HOMER2: variants seen among roughly 807,000 people sequenced by gnomAD.
HOMER2 encodes homer scaffold protein 2, also known as homer protein homolog 2.
Under a neutral mutation model 47.0 loss-of-function variants are expected in HOMER2, and 27 were observed. The observed-to-expected ratio is 0.57, with a 90% CI of 0.42 to 0.79. HOMER2 has a LOEUF of 0.79. Ranked by LOEUF, HOMER2 falls within the 30% of genes least tolerant of loss-of-function variation. The pLI, the probability that HOMER2 is intolerant of heterozygous loss-of-function variation, is 0.00. For synonymous variants in HOMER2, 161 were observed against 163.8 expected, an observed-to-expected ratio of 0.98 and a Z score of 0.13; for missense variants, 443 against 435.0, an observed-to-expected ratio of 1.02 and a Z score of -0.16.
chr15:82,937,661 T>C (rs1050178336), intron 1 of HOMER2, among the ~76,000 whole-genome samples: 2 of 152,182 alleles, frequency 1.3e-5, no homozygotes. Context: ...TCTGGAAGAA[T>C]TAACAACAGA....
At chr15:82,854,405 CA>C (rs558909046) in intron 6 of HOMER2, among the ~76,000 whole-genome samples, 1 of 149,860 alleles carries the variant, frequency 6.7e-6, no homozygotes, top group African/African-American at 2.4e-5. Flanking sequence ...GACTCCATCT[CA>C]AAAAAAAAGA....
chr15:82,956,505 G>A (rs1346712513), upstream of HOMER2, among the ~76,000 whole-genome samples: 1 of 152,178 alleles, frequency 6.6e-6, no homozygotes, highest in Non-Finnish European at 1.5e-5. Flanking sequence ...GTTGGGGAAT[G>A]CCGTGATCTG....
chr15:82,935,752 C>G (rs1180144435), intron 1 of HOMER2, among the ~76,000 whole-genome samples: 1 of 152,180 alleles, frequency 6.6e-6, no homozygotes, highest in Admixed American at 6.5e-5. Context: ...AAGGTTCTTA[C>G]AAATCCATCT....
intron 8 of HOMER2, among the ~76,000 whole-genome samples, chr15:82,850,789 C>T (rs1776827053): frequency 1.3e-5 from 2 of 152,200 alleles, no homozygotes; most frequent in Non-Finnish European, 2.9e-5. Flanking sequence ...AAGGTCAGTG[C>T]CCAAGGCCAC....
intron 1 of HOMER2, among the ~76,000 whole-genome samples, chr15:82,922,701 C>T (rs1483088719): frequency 1.3e-5 from 2 of 152,166 alleles, no homozygotes; most frequent in Non-Finnish European, 2.9e-5. Flanking sequence ...CCACAGGTGT[C>T]CGCCTGTCCA....
chr15:82,970,066 T>C (rs2029930384), intron 1 of HOMER2, among the ~76,000 whole-genome samples: 1 of 152,190 alleles, frequency 6.6e-6, no homozygotes, highest in African/African-American at 2.4e-5. Flanking sequence ...GGATCATACA[T>C]GGTAAGTGAG....
downstream of HOMER2, chr15:82,836,799 T>G (rs1596293041): frequency 6.6e-6 from 1 of 152,296 alleles, no homozygotes. Flanking sequence ...AATGAGGAGG[T>G]TATTGGTTAA....
chr15:82,876,073 G>C (rs1175308893), intron 2 of HOMER2, among the ~76,000 whole-genome samples: 1 of 152,232 alleles, frequency 6.6e-6, no homozygotes, highest in Non-Finnish European at 1.5e-5. Flanking sequence ...GGGTCACGTA[G>C]AGCAAGCTAC....
chr15:82,863,578 C>T (rs1378283507), intron 4 of HOMER2, among the ~76,000 whole-genome samples: 2 of 152,154 alleles, frequency 1.3e-5, no homozygotes, highest in Non-Finnish European at 2.9e-5. Context: ...ACATATAACC[C>T]TGTCACTAGG....
At chr15:82,880,729 C>T (rs546973556) in intron 2 of HOMER2, among the ~76,000 whole-genome samples, 1 of 152,100 alleles carries the variant, frequency 6.6e-6, no homozygotes, top group Admixed American at 6.5e-5. Flanking sequence ...AGAGGAGATA[C>T]GAGACTTGAG....
chr15:82,874,956 C>T (rs551147162), intron 3 of HOMER2, among the ~76,000 whole-genome samples: 130 of 152,262 alleles, frequency 8.5e-4, no homozygotes, highest in African/African-American at 2.9e-3. Context: ...CACAAGCCAG[C>T]GCTCAGTCTG....
At chr15:82,889,902 C>G (rs984244146) in intron 2 of HOMER2, among the ~76,000 whole-genome samples, 2 of 152,170 alleles carry the variant, frequency 1.3e-5, no homozygotes, top group African/African-American at 4.8e-5. Context: ...GCTCCCATCC[C>G]CAATCCCTGA....
chr15:82,986,113 A>C (rs2030592971), upstream of HOMER2: 1 of 984,798 alleles, frequency 1.0e-6, no homozygotes, highest in Non-Finnish European at 1.2e-6. Flanking sequence ...CCAGCATTTG[A>C]AGAAGCGATC....
chr15:82,882,252 G>A (rs945647834), intron 2 of HOMER2, among the ~76,000 whole-genome samples: 1 of 82,000 alleles, frequency 1.2e-5, no homozygotes, highest in African/African-American at 4.9e-5. Context: ...TGACCCTGCT[G>A]TCCTTCTGTG....
intron 1 of HOMER2, among the ~76,000 whole-genome samples, chr15:82,947,456 T>C (rs2151231391): frequency 6.6e-6 from 1 of 152,308 alleles, no homozygotes; most frequent in African/African-American, 2.4e-5. Context: ...CAAACAGTAA[T>C]ACAGTAGATC....
At chr15:82,963,435 C>A (rs1428103605) in intron 1 of HOMER2, among the ~76,000 whole-genome samples, 1 of 152,072 alleles carries the variant, frequency 6.6e-6, no homozygotes, top group East Asian at 1.9e-4. Flanking sequence ...AGTCCCCAGT[C>A]AGGCTAAAAA....
intron 4 of HOMER2, among the ~76,000 whole-genome samples, 171 bp downstream of exon 4, chr15:82,863,996 A>G (rs2051879102): frequency 6.6e-6 from 1 of 152,246 alleles, no homozygotes; most frequent in African/African-American, 2.4e-5. Context: ...ACCACATCCT[A>G]AAAAATTCAA....
At chr15:82,842,450 A>G (rs1596294835) in exon 2 of HOMER2, 1 of 147,248 alleles carries the variant, frequency 6.8e-6, no homozygotes, top group African/African-American at 2.5e-5. Context: ...TCCTATCACC[A>G]CAGCCAGCTA....
chr15:82,863,590 C>T (rs1360577119), intron 4 of HOMER2, among the ~76,000 whole-genome samples: 2 of 152,118 alleles, frequency 1.3e-5, no homozygotes, highest in Admixed American at 6.5e-5. Context: ...GTCACTAGGT[C>T]GACTTCCCCC....
Sources: allele counts gnomAD v4.1 joint callset (sites outside exome capture counted in the v4.1 genomes callset), GRCh38; gene constraint gnomAD v4.1.1; transcripts MANE v1.5; gene names NCBI Gene and HGNC (gene_info 2026-07-23, HGNC 2026-07-21).